The following INPP5A variants were observed in gnomAD, a reference collection of about 807,000 sequenced individuals.
INPP5A encodes the protein 43 kDa inositol polyphosphate 5-phophatase.
Under a neutral mutation model 65.2 loss-of-function variants are expected in INPP5A, and 14 were observed. That is an observed-to-expected ratio of 0.21 (90% CI 0.14 to 0.34). INPP5A has a LOEUF of 0.34. Ranked by LOEUF, INPP5A falls within the 10% of genes least tolerant of loss-of-function variation. The pLI is 1.00. For missense variants in INPP5A, 431 were observed against 545.6 expected (o/e 0.79, Z 2.09); for synonymous variants, 207 against 208.3 (o/e 0.99, Z 0.05).
intron 1 of INPP5A, among the ~76,000 whole-genome samples, chr10:132,584,118 C>G (rs770737508): frequency 1.1e-4 from 17 of 152,204 alleles, no homozygotes; most frequent in Non-Finnish European, 2.5e-4. Flanking sequence ...CATTTCTGCC[C>G]TTGCTTTGTG....
chr10:132,717,082 C>T (rs1051350987), intron 8 of INPP5A, among the ~76,000 whole-genome samples: 6 of 152,214 alleles, frequency 3.9e-5, no homozygotes, highest in Non-Finnish European at 5.9e-5. Flanking sequence ...GCTTTGCAGC[C>T]GACCTTAGTT....
chr10:132,776,243 T>G (rs912524348), intron 12 of INPP5A, among the ~76,000 whole-genome samples: 1 of 152,198 alleles, frequency 6.6e-6, no homozygotes, highest in Non-Finnish European at 1.5e-5. Flanking sequence ...AGCTACGTTT[T>G]TAACCAAGCA....
chr10:132,722,074 C>T (rs1310494349), intron 8 of INPP5A, among the ~76,000 whole-genome samples: 3 of 152,144 alleles, frequency 2.0e-5, no homozygotes, highest in African/African-American at 7.2e-5. Context: ...TTAAGAGAAA[C>T]TTTTAAGCGA....
intron 4 of INPP5A, among the ~76,000 whole-genome samples, chr10:132,667,301 A>AAG (rs1184705521): frequency 6.6e-6 from 1 of 152,228 alleles, no homozygotes; most frequent in Non-Finnish European, 1.5e-5. Context: ...GGGGCTTCAA[A>AAG]AGAGAGAGAA....
chr10:132,631,281 G>A (rs1000675081), intron 2 of INPP5A, among the ~76,000 whole-genome samples: 2 of 152,194 alleles, frequency 1.3e-5, no homozygotes, highest in African/African-American at 4.8e-5. Context: ...GTCTGACCAG[G>A]GGCCTGTGGG....
intron 1 of INPP5A, among the ~76,000 whole-genome samples, chr10:132,573,326 GGTGT>G (rs1212698215): frequency 3.6e-5 from 5 of 139,646 alleles, no homozygotes; most frequent in African/African-American, 1.4e-4. Flanking sequence ...GAGATGTTGG[GGTGT>G]GTGTGCTGTG....
intron 9 of INPP5A, among the ~76,000 whole-genome samples, chr10:132,739,859 C>G (rs551837777): frequency 6.6e-6 from 1 of 152,306 alleles, no homozygotes; most frequent in South Asian, 2.1e-4. Flanking sequence ...AGGACCTTGT[C>G]TCCACCCTGT....
At chr10:132,566,007 G>A (rs952023425) in intron 1 of INPP5A, among the ~76,000 whole-genome samples, 6 of 152,004 alleles carry the variant, frequency 3.9e-5, no homozygotes, top group Non-Finnish European at 5.9e-5. Flanking sequence ...CCCTGTGGTC[G>A]GTCTCGGGGA....
Position 132,596,432 on chromosome 10 carries a change from TTG to T in INPP5A, c.76-11481_76-11480del, listed in dbSNP as rs1242732725. On this transcript the variant is annotated intron_variant, in intron 1 of 15. Coordinates refer to ENST00000368594, the MANE Select transcript of INPP5A (RefSeq NM_005539.5). ...TGTGCGTGTGTGTGCATGTTTTGTT[TTG>T]TTTTTTTTTTTTGAGATGGAGTCTC... is the stretch of plus-strand genomic sequence containing the variant. Among the ~76,000 whole-genome samples, 116 of 147,206 alleles carry T rather than the reference TTG, an allele frequency of 7.9e-4. 1 individual carries two copies. The highest frequency in any genetic ancestry group is 2.9e-3 in the African/African-American group (114 of 39,792).
rs549560749 is a variant in INPP5A at position 132,705,465 on chromosome 10, G to A, written c.475-2848G>A. ...CAAGCAGGGCAGCCTGAGCACAGCAGGGGATGTGGGCTCAGTACCAGAGCC... is the reference window on the plus strand; with the variant it reads ...CAAGCAGGGCAGCCTGAGCACAGCAAGGGATGTGGGCTCAGTACCAGAGCC... On this transcript the variant is annotated intron_variant, in intron 6 of 15. Coordinates refer to ENST00000368594, the MANE Select transcript of INPP5A (RefSeq NM_005539.5). This position sits in a 1 kb window ranked among gnomAD's most constrained non-coding sequence, Gnocchi z 4.9. 4.5e-4 allele frequency among the ~76,000 whole-genome samples: 68 copies of A among 152,364 alleles called. No individual in the cohort carries two copies. Among genetic ancestry groups the A allele is most frequent in the Middle Eastern group, 6.8e-3 (2 of 294 alleles).
chr10:132,742,188 G>C (rs1421409165), intron 9 of INPP5A, among the ~76,000 whole-genome samples: 2 of 152,270 alleles, frequency 1.3e-5, no homozygotes, highest in African/African-American at 4.8e-5. Context: ...AGCCTGTTCT[G>C]TTCCTGATGG....
At position 132,551,652 on chromosome 10, in the gene INPP5A, C is replaced by T. The variant is rs1197047571; in HGVS notation, c.75+13481C>T. On this transcript the variant is annotated intron_variant, in intron 1 of 15. Coordinates refer to ENST00000368594, the MANE Select transcript of INPP5A (RefSeq NM_005539.5). This position sits in a 1 kb window ranked among gnomAD's most constrained non-coding sequence, Gnocchi z 5.3. Reference sequence around the variant, plus strand: ...CTTCCTGTTTGCTGTAACGGCTGTGCCTCCCTCGCTGCTGCAGTGGGCAGT... The same window carrying T: ...CTTCCTGTTTGCTGTAACGGCTGTGTCTCCCTCGCTGCTGCAGTGGGCAGT... 6.6e-6 allele frequency among the ~76,000 whole-genome samples: 1 copy of T among 152,182 alleles called. No individual in the cohort carries two copies. The highest frequency in any genetic ancestry group is 6.5e-5 in the Admixed American group (1 of 15,280).
At chr10:132,679,870 G>C (rs1009638262) in intron 4 of INPP5A, among the ~76,000 whole-genome samples, 1 of 152,210 alleles carries the variant, frequency 6.6e-6, no homozygotes, top group African/African-American at 2.4e-5. Flanking sequence ...TTCCATGGGA[G>C]AGGACAGCCT....
chr10:132,726,869 T>C lies in INPP5A; in HGVS notation c.696T>C (p.Asp232=), dbSNP rs763558058. 6.2e-6 allele frequency: 10 copies of C among 1,610,606 alleles called. No individual in the cohort carries two copies. Among genetic ancestry groups the C allele is most frequent in the Admixed American group, 1.7e-5 (1 of 59,772 alleles). ...FEKVSYFVFG[D]FNFRLDSKSV... ...AGGTTTCCTACTTTGTATTTGGTGA[T>C]TTCAACTTCCGGCTGGATTCCAAGT... is the stretch of plus-strand genomic sequence containing the variant. The change falls in exon 9 of 16, where the codon GAT becomes GAC. Residue 232 remains aspartate, a synonymous_variant. Coordinates refer to ENST00000368594, the MANE Select transcript of INPP5A (RefSeq NM_005539.5).
intron 1 of INPP5A, among the ~76,000 whole-genome samples, chr10:132,564,510 C>T (rs1232785794): frequency 6.6e-6 from 1 of 152,166 alleles, no homozygotes; most frequent in East Asian, 1.9e-4. Flanking sequence ...GAGTCACCGG[C>T]CCAGGGCTCA....
At chr10:132,692,028 T>C (rs2134488771) in intron 5 of INPP5A, among the ~76,000 whole-genome samples, 1 of 152,114 alleles carries the variant, frequency 6.6e-6, no homozygotes, top group East Asian at 1.9e-4. Context: ...GTGTTGCTGC[T>C]GATGCTCAGC....
At chr10:132,682,069 G>A (rs777645201) in intron 4 of INPP5A, among the ~76,000 whole-genome samples, 13 of 152,198 alleles carry the variant, frequency 8.5e-5, no homozygotes, top group East Asian at 1.9e-4. Context: ...AGGGGAGAGC[G>A]GGAAGGGAGC....
chr10:132,749,774 A>T lies in INPP5A; in HGVS notation c.832A>T (p.Met278Leu). The T allele has an allele frequency of 6.2e-7, 1 of 1,613,040 alleles. No individual in the cohort carries two copies. Among genetic ancestry groups the T allele is most frequent in the South Asian group, 1.1e-5 (1 of 91,084 alleles). Residue 278 changes from methionine to leucine, a missense_variant, in exon 11 of 16, where the codon ATG becomes TTG. Met to Leu is a conservative substitution (Grantham distance 15). Transcript: ENST00000368594. The stretch of plus-strand genomic sequence containing the variant: ...ATGGGCCACTCTGACTTCACAGGTT[A>T]TGCTCCAGTTAGAAAAGAAACTCTT... ...FRESDNDRKV[M>L]LQLEKKLFDY...
At chr10:132,720,917 C>T (rs1284966214) in intron 8 of INPP5A, among the ~76,000 whole-genome samples, 6 of 99,938 alleles carry the variant, frequency 6.0e-5, no homozygotes, top group Non-Finnish European at 1.2e-4. Context: ...GGCTGTCTTG[C>T]GGGTTCTGTG....
Sources: allele counts gnomAD v4.1 joint callset (sites outside exome capture counted in the v4.1 genomes callset), GRCh38; gene constraint gnomAD v4.1.1; non-coding constraint Gnocchi (gnomAD v3.1); transcripts MANE v1.5; gene names NCBI Gene and HGNC (gene_info 2026-07-23, HGNC 2026-07-21).